The following AP2A2 variants were observed in gnomAD, a reference collection of about 807,000 sequenced individuals.
AP2A2 encodes AP-2 complex subunit alpha-2.
Under a neutral mutation model 104.2 loss-of-function variants are expected in AP2A2, and 32 were observed. The ratio of observed to expected loss-of-function variants is 0.31; its 90% CI spans 0.23 to 0.41. AP2A2 has a LOEUF of 0.41. Ranked by LOEUF, AP2A2 falls within the 10% of genes least tolerant of loss-of-function variation. AP2A2 has a pLI of 1.00. For synonymous variants in AP2A2, 539 were observed against 533.3 expected (o/e 1.01, Z -0.15); for missense variants, 912 against 1,261.0 (o/e 0.72, Z 4.19).
chr11:940,794 A>C (rs2134481175), intron 1 of AP2A2: 1 of 456,226 alleles, frequency 2.2e-6, no homozygotes, highest in Non-Finnish European at 4.4e-6. Flanking sequence ...GCCAACCTGA[A>C]GGGCTTTGGC....
At chr11:969,201 C>T (rs963275186) in intron 2 of AP2A2, among the ~76,000 whole-genome samples, 18 of 144,748 alleles carry the variant, frequency 1.2e-4, no homozygotes, top group Non-Finnish European at 2.1e-4. Context: ...ATAGAAACTC[C>T]TGGCAATGTA....
intron 1 of AP2A2, among the ~76,000 whole-genome samples, chr11:927,251 G>C (rs985683247): frequency 7.5e-5 from 2 of 26,786 alleles, no homozygotes; most frequent in African/African-American, 1.8e-4. Context: ...TTGTAGAGAT[G>C]GGGGGGTCTC....
intron 4 of AP2A2, among the ~76,000 whole-genome samples, chr11:974,698 A>AAGAAAAG (rs1554887919): frequency 7.3e-6 from 1 of 137,146 alleles, no homozygotes; most frequent in Non-Finnish European, 1.6e-5. Context: ...AAAAAAAAAA[A>AAGAAAAG]AAAGAAAGCT....
chr11:955,502 T>A (rs1854205939), intron 1 of AP2A2, among the ~76,000 whole-genome samples: 1 of 152,166 alleles, frequency 6.6e-6, no homozygotes, highest in Non-Finnish European at 1.5e-5. Flanking sequence ...GTCACTGCTG[T>A]GAGCAGCTTT....
chr11:1,003,876 C>T lies in AP2A2; in HGVS notation c.2206+72C>T, dbSNP rs757785674. On this transcript the variant is annotated intron_variant, in intron 16 of 21. Transcript: ENST00000448903. ...AAATTAAGAGAAAATATTTGCAAATCATATACTTATAAGGGATAGATATCC... is the reference window on the plus strand; with the variant it reads ...AAATTAAGAGAAAATATTTGCAAATTATATACTTATAAGGGATAGATATCC... 170 of 1,020,662 alleles carry T rather than the reference C, an allele frequency of 1.7e-4. 2 individuals carry two copies. The highest frequency in any genetic ancestry group is 2.0e-4 in the Non-Finnish European group (141 of 688,590). 63.2% of individuals were successfully genotyped at this position (1,020,662 alleles called of 1,614,324 possible). A position where few individuals can be genotyped will look rare whatever the true frequency, so the allele number is the denominator to read the frequency against.
At chr11:998,226 C>G (rs1202520839) in intron 14 of AP2A2, among the ~76,000 whole-genome samples, 1 of 152,192 alleles carries the variant, frequency 6.6e-6, no homozygotes, top group Non-Finnish European at 1.5e-5. Flanking sequence ...CACATGAGAC[C>G]CGTGTCGTCT....
intron 9 of AP2A2, among the ~76,000 whole-genome samples, 184 bp from the exon 10 acceptor site, chr11:988,368 G>C (rs1207506440): frequency 6.6e-6 from 1 of 152,212 alleles, no homozygotes; most frequent in Admixed American, 6.5e-5. Flanking sequence ...GCCAGCAGGC[G>C]GAACTCTATT....
chr11:1,009,012 A>G, intron 18 of AP2A2, 88 bp from the exon 19 acceptor site: 1 of 1,102,146 alleles, frequency 9.1e-7, no homozygotes, highest in Non-Finnish European at 1.3e-6. Flanking sequence ...GTAGATCGGG[A>G]CGCTTCTCAC....
chr11:988,620 C>G lies in AP2A2; in HGVS notation c.1200C>G (p.Asn400Lys), dbSNP rs751262548. 1.6e-5 allele frequency: 26 copies of G among 1,613,632 alleles called. No homozygotes were observed. In the South Asian group the frequency reaches 2.9e-4, roughly 18 times the overall value. Residue 400 changes from asparagine to lysine, a missense_variant, in exon 10 of 22, where the codon AAC (asparagine) becomes AAG (lysine). Physicochemically the swap from Asn to Lys is moderately conservative, Grantham distance 94. Coordinates refer to ENST00000448903, the MANE Select transcript of AP2A2 (RefSeq NM_012305.4). ...TCTACGCCATGTGCGACCGCAGCAACGCCCCACAGATCGTGGCCGAGATGC... is the reference window on the plus strand; with the variant it reads ...TCTACGCCATGTGCGACCGCAGCAAGGCCCCACAGATCGTGGCCGAGATGC... ...DLLYAMCDRSNAPQIVAEMLS... is the reference protein window; with the variant it reads ...DLLYAMCDRSKAPQIVAEMLS...
At chr11:980,496 G>C (rs373500090) in intron 5 of AP2A2, among the ~76,000 whole-genome samples, 2,823 of 43,690 alleles carry the variant, frequency 0.065, 71 homozygotes, top group Middle Eastern at 0.14. Context: ...CGGTGACAGG[G>C]TGCCCGGTGC....
At position 990,724 on chromosome 11, in the gene AP2A2, CTGGG is replaced by C. The variant is rs1564813187; in HGVS notation, c.1270-1778_1270-1775del. Among the ~76,000 whole-genome samples, 14 of 128,974 alleles carry C rather than the reference CTGGG, an allele frequency of 1.1e-4. 2 individuals are homozygous for C. Among genetic ancestry groups the C allele is most frequent in the African/African-American group, 3.6e-4 (12 of 33,660 alleles). The allele number at this position is 128,974 out of a possible 152,430, so 84.6% of individuals were successfully genotyped here. ...GTGCTCCCCCACCCCATCCTTTCAG[CTGGG>C]CATGGTGCTCCCCCCACCCCATCCT... On this transcript the variant is annotated intron_variant, in intron 10 of 21. Coordinates refer to ENST00000448903, the MANE Select transcript of AP2A2 (RefSeq NM_012305.4).
chr11:966,667 C>A (rs1854627938), intron 2 of AP2A2, among the ~76,000 whole-genome samples: 1 of 152,174 alleles, frequency 6.6e-6, no homozygotes, highest in South Asian at 2.1e-4. Context: ...GGAAGGAGTT[C>A]CCACCCTGCC....
chr11:947,077 C>T (rs1174429521), intron 1 of AP2A2: 3 of 141,936 alleles, frequency 2.1e-5, no homozygotes, highest in African/African-American at 7.9e-5. Flanking sequence ...TGGCGCCGAT[C>T]TCGGCTCACT....
At position 1,011,207 on chromosome 11, in the gene AP2A2, G is replaced by T; in HGVS notation, c.*582G>T. On this transcript the variant is annotated 3_prime_UTR_variant, in exon 22 of 22. Coordinates refer to ENST00000448903, the MANE Select transcript of AP2A2 (RefSeq NM_012305.4). ...TTGTAATGACTTCTGGCAAAAGCAC[G>T]TGTCCTGGCCGGATGTAACTGTTCT... The T allele has an allele frequency of 1.9e-6, 1 of 520,784 alleles. No individual in the cohort carries two copies. The highest frequency in any genetic ancestry group is 3.2e-4 in the Middle Eastern group (1 of 3,162). 32.3% of individuals were successfully genotyped at this position (520,784 alleles called of 1,614,324 possible).
chr11:947,522 G>A (rs756316906), intron 1 of AP2A2, among the ~76,000 whole-genome samples: 17 of 152,278 alleles, frequency 1.1e-4, no homozygotes, highest in African/African-American at 3.1e-4. Flanking sequence ...TTGGCTGGGC[G>A]CGGTGGCTCA....
At chr11:1,008,214 C>G in intron 18 of AP2A2, 79 bp downstream of exon 18, 2 of 1,483,032 alleles carry the variant, frequency 1.3e-6, no homozygotes, top group Non-Finnish European at 1.8e-6. Context: ...GACTGTGCCT[C>G]CGTGTCCTTC....
intron 1 of AP2A2, among the ~76,000 whole-genome samples, chr11:926,980 T>G (rs1853141157): frequency 1.3e-5 from 2 of 152,202 alleles, no homozygotes; most frequent in African/African-American, 2.4e-5. Flanking sequence ...ATCTCCTTAT[T>G]TAATTTGAGG....
chr11:933,604 A>T (rs1007464445), intron 1 of AP2A2: 1 of 456,136 alleles, frequency 2.2e-6, no homozygotes, highest in African/African-American at 2.0e-5. Context: ...GCATGTGAGT[A>T]GGAAGCAGCC....
rs529977132 is a variant in AP2A2 at position 1,005,193 on chromosome 11, C to T, written c.2207-1335C>T. Among the ~76,000 whole-genome samples the T allele has an allele frequency of 4.6e-5, 7 of 152,366 alleles. No individual in the cohort carries two copies. The South Asian group carries it at 1.5e-3, about 32-fold the overall frequency. The stretch of plus-strand genomic sequence containing the variant: ...AGGAATGAAATTCTGATGCATAAAG[C>T]AGCACACATGCACCTTGAGGACATG... On this transcript the variant is annotated intron_variant, in intron 16 of 21. Coordinates refer to ENST00000448903, the MANE Select transcript of AP2A2 (RefSeq NM_012305.4).
Sources: allele counts gnomAD v4.1 joint callset (sites outside exome capture counted in the v4.1 genomes callset), GRCh38; gene constraint gnomAD v4.1.1; transcripts MANE v1.5; gene names NCBI Gene and HGNC (gene_info 2026-07-23, HGNC 2026-07-21).